Variants in TMEM135 observed in about 807,000 individuals in gnomAD.
TMEM135 encodes peroxisomal membrane protein 52.
In TMEM135, 30 loss-of-function variants were observed where a neutral mutation model predicts 60.3. That is an observed-to-expected ratio of 0.50 (90% CI 0.37 to 0.68). TMEM135 has a LOEUF of 0.68. Ranked by LOEUF, TMEM135 falls within the 30% of genes least tolerant of loss-of-function variation. The pLI, the probability that TMEM135 is intolerant of heterozygous loss-of-function variation, is 0.00. For missense variants in TMEM135, 468 were observed against 548.8 expected (o/e 0.85, Z 1.47); for synonymous variants, 190 against 186.7 (o/e 1.02, Z -0.14).
chr11:87,155,844 C>A (rs1252605235), intron 4 of TMEM135, among the ~76,000 whole-genome samples: 1 of 152,148 alleles, frequency 6.6e-6, no homozygotes, highest in Non-Finnish European at 1.5e-5. Flanking sequence ...TATTCCATAT[C>A]TTGAATAAGC....
intron 5 of TMEM135, among the ~76,000 whole-genome samples, chr11:87,204,217 A>T (rs962039931): frequency 6.6e-6 from 1 of 151,868 alleles, no homozygotes; most frequent in Non-Finnish European, 1.5e-5. Context: ...TCTATCATGG[A>T]TTTATGTAGC....
intron 5 of TMEM135, among the ~76,000 whole-genome samples, chr11:87,159,617 A>ACACACACACACACACACACACCCCCCC (rs140303858): frequency 6.7e-6 from 1 of 149,458 alleles, no homozygotes; most frequent in African/African-American, 2.5e-5. Flanking sequence ...ACACACACAC[A>ACACACACACACACACACACACCCCCCC]CCATAGATTT....
chr11:87,260,192 C>A (rs76429725), intron 6 of TMEM135, among the ~76,000 whole-genome samples: 3,229 of 152,244 alleles, frequency 0.021, 135 homozygotes, highest in African/African-American at 0.074. Flanking sequence ...GGTTAGATTT[C>A]TTTTATTATC....
chr11:87,190,283 A>G (rs561651232), intron 5 of TMEM135, among the ~76,000 whole-genome samples: 3 of 152,312 alleles, frequency 2.0e-5, no homozygotes, highest in Admixed American at 2.0e-4. Flanking sequence ...GCTGTCTGTG[A>G]GGATTATTGT....
At chr11:87,062,141 G>T (rs961060598) in intron 1 of TMEM135, among the ~76,000 whole-genome samples, 17 of 151,898 alleles carry the variant, frequency 1.1e-4, no homozygotes, top group Admixed American at 1.1e-3. Context: ...GAGTAGCTGG[G>T]ATTACAGGGA....
At chr11:87,060,284 G>A (rs1000723049) in intron 1 of TMEM135, among the ~76,000 whole-genome samples, 3 of 151,776 alleles carry the variant, frequency 2.0e-5, no homozygotes, top group Non-Finnish European at 4.4e-5. Context: ...TTATTTTTTT[G>A]TAGACTGGAA....
In TMEM135 at chr11:87,060,166, T is replaced by C. The variant is rs77931706; in HGVS notation, c.142-7528T>C. ...TATAGATCTTGGACAAGGAAGAGGG[T>C]AAAGTTAATTGCACAGCTGGTTGTT... is the stretch of plus-strand genomic sequence containing the variant. On this transcript the variant is annotated intron_variant, in intron 1 of 14. Coordinates refer to ENST00000305494, the MANE Select transcript of TMEM135 (RefSeq NM_022918.4). 8.1e-3 allele frequency among the ~76,000 whole-genome samples: 1,232 copies of C among 152,276 alleles called. 23 individuals are homozygous for C. The highest frequency in any genetic ancestry group is 0.028 in the African/African-American group (1,182 of 41,564).
chr11:87,150,399 A>G (rs976477459), intron 4 of TMEM135, among the ~76,000 whole-genome samples: 8 of 152,134 alleles, frequency 5.3e-5, no homozygotes, highest in Non-Finnish European at 8.8e-5. Context: ...CTACACTGCT[A>G]TTCTTGTTTT....
At chr11:87,069,022 G>C (rs1856721601) in intron 2 of TMEM135, among the ~76,000 whole-genome samples, 1 of 150,980 alleles carries the variant, frequency 6.6e-6, no homozygotes, top group African/African-American at 2.4e-5. Context: ...TTTCTATGAC[G>C]GCCGGGCGCG....
At chr11:87,067,498 G>A (rs1349104585) in intron 1 of TMEM135, among the ~76,000 whole-genome samples, 196 bp from the exon 2 acceptor site, 3 of 151,982 alleles carry the variant, frequency 2.0e-5, no homozygotes, top group Non-Finnish European at 4.4e-5. Context: ...ATTCCTTGGT[G>A]TATATTTTAC....
chr11:87,189,482 T>C (rs1488295763), intron 5 of TMEM135, among the ~76,000 whole-genome samples: 1 of 152,084 alleles, frequency 6.6e-6, no homozygotes, highest in Admixed American at 6.6e-5. Context: ...TCTTAATTGA[T>C]AGAAGCAGTT....
At chr11:87,281,141 AG>A (rs748124303) in intron 6 of TMEM135, among the ~76,000 whole-genome samples, 5 of 152,240 alleles carry the variant, frequency 3.3e-5, no homozygotes, top group Non-Finnish European at 5.9e-5. Flanking sequence ...GTTGTTAATG[AG>A]TATAGAGGTA....
chr11:87,287,080 T>C (rs936527046), intron 6 of TMEM135, among the ~76,000 whole-genome samples: 2 of 152,224 alleles, frequency 1.3e-5, no homozygotes, highest in Non-Finnish European at 2.9e-5. Context: ...TTTTCACATA[T>C]TTAATTGTGC....
chr11:87,190,653 G>C (rs935457645), intron 5 of TMEM135, among the ~76,000 whole-genome samples: 26 of 152,126 alleles, frequency 1.7e-4, no homozygotes, highest in African/African-American at 6.0e-4. Flanking sequence ...ATTCCTGAAG[G>C]CTACCAGTAT....
intron 3 of TMEM135, among the ~76,000 whole-genome samples, chr11:87,080,378 C>A (rs138193195): frequency 6.6e-6 from 1 of 152,100 alleles, no homozygotes; most frequent in Non-Finnish European, 1.5e-5. Flanking sequence ...TTCCTACAGG[C>A]ATTGCTACAT....
At chr11:87,314,141 G>A (rs896997072) in intron 11 of TMEM135, among the ~76,000 whole-genome samples, 1 of 151,632 alleles carries the variant, frequency 6.6e-6, no homozygotes, top group South Asian at 2.1e-4. Flanking sequence ...ACTTAAAATC[G>A]AAAAGGAACC....
intron 6 of TMEM135, among the ~76,000 whole-genome samples, chr11:87,250,290 A>G (rs1941385477): frequency 6.6e-6 from 1 of 151,698 alleles, no homozygotes; most frequent in Non-Finnish European, 1.5e-5. Flanking sequence ...TTTTGTATGT[A>G]TTTTATTCTA....
At chr11:87,302,005 G>A (rs745382307) in intron 7 of TMEM135, among the ~76,000 whole-genome samples, 50 of 152,108 alleles carry the variant, frequency 3.3e-4, no homozygotes, top group Admixed American at 7.2e-4. Context: ...ATGACTCAGT[G>A]TCCCAAGTTA....
chr11:87,076,439 C>A lies in TMEM135; in HGVS notation c.362+4824C>A, dbSNP rs536417559. 1.1e-4 allele frequency among the ~76,000 whole-genome samples: 16 copies of A among 152,258 alleles called. No individual in the cohort carries two copies. The East Asian group carries it at 2.5e-3, about 24-fold the overall frequency. ...GGACTCACCCTTCAGGGCAGTAGGC[C>A]CCCCCTCTGGCCTAGGGTAGGTTCA... On this transcript the variant is annotated intron_variant, in intron 3 of 14. Coordinates refer to ENST00000305494, the MANE Select transcript of TMEM135 (RefSeq NM_022918.4).
Sources: allele counts gnomAD v4.1 joint callset (sites outside exome capture counted in the v4.1 genomes callset), GRCh38; gene constraint gnomAD v4.1.1; transcripts MANE v1.5; gene names NCBI Gene and HGNC (gene_info 2026-07-23, HGNC 2026-07-21).